BMPR1B: variants seen among roughly 807,000 people sequenced by gnomAD.
The protein encoded by BMPR1B is bone morphogenetic protein receptor type-1B.
BMPR1B carries 12 observed loss-of-function variants against 59.1 expected under a neutral mutation model. That is an observed-to-expected ratio of 0.20 (90% CI 0.13 to 0.33). The LOEUF is 0.33. Ranked by LOEUF, BMPR1B falls within the 10% of genes least tolerant of loss-of-function variation. The pLI is 1.00. For synonymous variants in BMPR1B, 237 were observed against 207.3 expected (o/e 1.14, Z -1.23); for missense variants, 550 against 610.9 (o/e 0.90, Z 1.05).
chr4:95,154,348 A>G (rs1046966092), intron 12 of BMPR1B, among the ~76,000 whole-genome samples, 200 bp from the exon 13 acceptor site: 6 of 152,256 alleles, frequency 3.9e-5, no homozygotes, highest in Non-Finnish European at 5.9e-5. Context: ...GCTTGTTTCT[A>G]TCACAAAGAA....
intron 3 of BMPR1B, among the ~76,000 whole-genome samples, chr4:95,065,006 G>C (rs981425324): frequency 1.3e-5 from 2 of 152,110 alleles, no homozygotes; most frequent in Admixed American, 1.3e-4. Context: ...ATATGATCCA[G>C]CAATTTGACT....
chr4:94,957,886 T>C (rs1425220022), intron 2 of BMPR1B, among the ~76,000 whole-genome samples: 1 of 151,374 alleles, frequency 6.6e-6, no homozygotes, highest in Non-Finnish European at 1.5e-5. Flanking sequence ...TTATCACTCA[T>C]ATTTGATATG....
intron 3 of BMPR1B, among the ~76,000 whole-genome samples, chr4:95,012,542 T>A (rs1355267140): frequency 6.6e-6 from 1 of 152,220 alleles, no homozygotes; most frequent in Non-Finnish European, 1.5e-5. Flanking sequence ...TAAGCATTTG[T>A]ACTTAACCTT....
intron 3 of BMPR1B, among the ~76,000 whole-genome samples, chr4:95,085,651 T>G (rs1729518049): frequency 6.6e-6 from 1 of 152,178 alleles, no homozygotes; most frequent in African/African-American, 2.4e-5. Flanking sequence ...AGGAAAGTAA[T>G]GCTGGGAAAC....
At chr4:94,834,186 C>T (rs1724708328) in intron 1 of BMPR1B, among the ~76,000 whole-genome samples, 1 of 152,138 alleles carries the variant, frequency 6.6e-6, no homozygotes, top group Non-Finnish European at 1.5e-5. Flanking sequence ...TTCTGCCTGT[C>T]TGCGGTGAGT....
rs115395828 is a variant in BMPR1B at position 95,104,271 on chromosome 4, A to G, written c.-17-137A>G. The G allele has an allele frequency of 1.7e-3, 1,754 of 1,045,040 alleles. 15 individuals carry two copies. The African/African-American group carries it at 0.022, about 13-fold the overall frequency. 64.7% of individuals were successfully genotyped at this position (1,045,040 alleles called of 1,614,324 possible). A position where few individuals can be genotyped will look rare whatever the true frequency, so the allele number is the denominator to read the frequency against. The stretch of plus-strand genomic sequence containing the variant: ...AGACATGATTTTAATCAAAATACCA[A>G]AATGTCTGTTTTTCTGTTTAAATCT... On this transcript the variant is annotated intron_variant, in intron 3 of 12. Coordinates refer to ENST00000515059, the MANE Select transcript of BMPR1B (RefSeq NM_001203.3).
At chr4:94,944,132 T>G (rs768650437) in intron 2 of BMPR1B, among the ~76,000 whole-genome samples, 15 of 152,304 alleles carry the variant, frequency 9.8e-5, no homozygotes, top group Admixed American at 2.6e-4. Context: ...ATTTCATGTT[T>G]AGACTTGGGT....
chr4:94,891,491 T>C (rs1442113626), intron 2 of BMPR1B, among the ~76,000 whole-genome samples: 1 of 152,088 alleles, frequency 6.6e-6, no homozygotes, highest in Non-Finnish European at 1.5e-5. Flanking sequence ...TTAAGAAGTA[T>C]TATAGTGGCT....
Position 95,071,802 on chromosome 4 carries a change from G to GT in BMPR1B, c.-17-32600dup, listed in dbSNP as rs1230472353. Among the ~76,000 whole-genome samples, 8 of 151,644 alleles carry GT rather than the reference G, an allele frequency of 5.3e-5. No homozygotes were observed. In the East Asian group the frequency reaches 1.6e-3, roughly 29 times the overall value. On this transcript the variant is annotated intron_variant, in intron 3 of 12. Transcript: ENST00000515059. ...TTTAGTTAAATAACCCTTTGTATTT[G>GT]TTTTTTAAAATGCCTGGTTATTTGT...
At chr4:94,791,736 C>T (rs941830971) in intron 1 of BMPR1B, among the ~76,000 whole-genome samples, 5 of 152,186 alleles carry the variant, frequency 3.3e-5, no homozygotes, top group African/African-American at 1.2e-4. Flanking sequence ...TAACCAAAAT[C>T]GACCAGAAAG....
chr4:95,133,118 A>G (rs1380902164), intron 10 of BMPR1B, among the ~76,000 whole-genome samples: 2 of 152,176 alleles, frequency 1.3e-5, no homozygotes, highest in Non-Finnish European at 2.9e-5. Context: ...TGGTTTGCTC[A>G]AGTGAATGAA....
chr4:94,866,097 G>C (rs1290088889), intron 1 of BMPR1B, among the ~76,000 whole-genome samples: 3 of 152,178 alleles, frequency 2.0e-5, no homozygotes, highest in Non-Finnish European at 4.4e-5. Flanking sequence ...ATAGTCCCTA[G>C]CTTTCTAGGT....
chr4:94,989,505 A>G (rs1483644712), intron 2 of BMPR1B, among the ~76,000 whole-genome samples: 1 of 152,148 alleles, frequency 6.6e-6, no homozygotes, highest in African/African-American at 2.4e-5. Flanking sequence ...AATTTCAGTT[A>G]CCTAACATTG....
intron 2 of BMPR1B, among the ~76,000 whole-genome samples, chr4:94,909,838 T>G (rs1160032506): frequency 6.6e-6 from 1 of 152,050 alleles, no homozygotes; most frequent in Non-Finnish European, 1.5e-5. Context: ...GGGCCTATTG[T>G]GTCTCCAGGT....
At chr4:95,021,285 C>T (rs1409392260) in intron 3 of BMPR1B, among the ~76,000 whole-genome samples, 4 of 152,264 alleles carry the variant, frequency 2.6e-5, no homozygotes, top group Admixed American at 2.0e-4. Context: ...AGAAAGAATG[C>T]AGTGCAAATG....
chr4:94,831,857 G>A (rs1207582888), intron 1 of BMPR1B, among the ~76,000 whole-genome samples: 5 of 152,106 alleles, frequency 3.3e-5, no homozygotes, highest in Admixed American at 3.3e-4. Context: ...ATTCTCATAG[G>A]ATTGCGAACC....
chr4:94,908,098 CA>C (rs1272787829), intron 2 of BMPR1B, among the ~76,000 whole-genome samples: 5 of 87,796 alleles, frequency 5.7e-5, no homozygotes, highest in African/African-American at 1.8e-4. Flanking sequence ...AAAGAAAAAA[CA>C]AAAAAAAGTA....
intron 3 of BMPR1B, among the ~76,000 whole-genome samples, chr4:95,087,356 A>G (rs1473637940): frequency 1.3e-5 from 2 of 152,160 alleles, no homozygotes; most frequent in African/African-American, 4.8e-5. Context: ...TTAACATGCT[A>G]GAGATAGATG....
At chr4:95,031,203 A>G (rs963227309) in intron 3 of BMPR1B, among the ~76,000 whole-genome samples, 5 of 152,190 alleles carry the variant, frequency 3.3e-5, no homozygotes, top group Non-Finnish European at 7.3e-5. Flanking sequence ...CTTAATCTAT[A>G]TATCTTCTAG....
Sources: allele counts gnomAD v4.1 joint callset (sites outside exome capture counted in the v4.1 genomes callset), GRCh38; gene constraint gnomAD v4.1.1; transcripts MANE v1.5; gene names NCBI Gene and HGNC (gene_info 2026-07-23, HGNC 2026-07-21).